Variants in SHISA9 observed in about 807,000 individuals in gnomAD.
SHISA9 encodes the protein shisa family member 9.
Under a neutral mutation model 38.0 loss-of-function variants are expected in SHISA9, and 13 were observed. That is an observed-to-expected ratio of 0.34 (90% CI 0.22 to 0.54). The LOEUF (loss-of-function observed/expected upper bound fraction) is 0.54. Ranked by LOEUF, SHISA9 falls within the 20% of genes least tolerant of loss-of-function variation. The probability of loss-of-function intolerance (pLI) is 0.91; values close to 1 mark genes in which losing one functional copy is unlikely to be tolerated. For missense variants in SHISA9, 538 were observed against 575.8 expected (o/e 0.93, Z 0.67); for synonymous variants, 275 against 242.0 (o/e 1.14, Z -1.27).
the SHISA9 span, among the ~76,000 whole-genome samples, chr16:13,377,897 G>A: frequency 6.6e-6 from 1 of 152,166 alleles, no homozygotes; most frequent in African/African-American, 2.4e-5. Flanking sequence ...GCCAGTCGTG[G>A]TGGCACGCAC....
At chr16:13,120,142 G>A (rs903498938) in intron 2 of SHISA9, among the ~76,000 whole-genome samples, 1 of 152,208 alleles carries the variant, frequency 6.6e-6, no homozygotes, top group Non-Finnish European at 1.5e-5. Context: ...AGCACTGGAA[G>A]TGGATTAAAA....
At chr16:13,124,533 C>T (rs2050240383) in intron 2 of SHISA9, among the ~76,000 whole-genome samples, 1 of 152,158 alleles carries the variant, frequency 6.6e-6, no homozygotes, top group Non-Finnish European at 1.5e-5. Flanking sequence ...ACACCTTGGA[C>T]TCTGTGTGCC....
intron 2 of SHISA9, among the ~76,000 whole-genome samples, chr16:13,174,733 T>C (rs2050716911): frequency 6.6e-6 from 1 of 152,066 alleles, no homozygotes; most frequent in East Asian, 1.9e-4. Context: ...GATGAAATGA[T>C]CTCTCTCTTG....
chr16:13,131,750 G>T (rs2050308406), intron 2 of SHISA9, among the ~76,000 whole-genome samples: 1 of 152,230 alleles, frequency 6.6e-6, no homozygotes, highest in Non-Finnish European at 1.5e-5. Flanking sequence ...TCCCAAAAAA[G>T]GAAAATCATG....
chr16:12,965,645 G>C (rs993861452), intron 2 of SHISA9, among the ~76,000 whole-genome samples: 1 of 152,208 alleles, frequency 6.6e-6, no homozygotes, highest in Admixed American at 6.5e-5. Context: ...ATATAGAATG[G>C]AGTGTGCAGG....
chr16:13,553,876 A>G, the SHISA9 span, among the ~76,000 whole-genome samples: 4 of 152,198 alleles, frequency 2.6e-5, no homozygotes, highest in Non-Finnish European at 5.9e-5. Flanking sequence ...GGGGAGGCCC[A>G]GAAACATCAG....
At chr16:12,916,555 C>G (rs1459066234) in intron 1 of SHISA9, 133 bp from the exon 2 acceptor site, 1 of 1,076,714 alleles carries the variant, frequency 9.3e-7, no homozygotes, top group East Asian at 2.8e-5. Context: ...TTTCTCTACT[C>G]CACCCCTAAC....
chr16:12,905,167 T>C (rs1871891187), intron 1 of SHISA9, among the ~76,000 whole-genome samples: 1 of 152,242 alleles, frequency 6.6e-6, no homozygotes, highest in Non-Finnish European at 1.5e-5. Flanking sequence ...CTCTCTCATT[T>C]AGTTCTCACA....
At chr16:13,092,985 A>T (rs117332505) in intron 2 of SHISA9, among the ~76,000 whole-genome samples, 3,885 of 152,306 alleles carry the variant, frequency 0.026, 77 homozygotes, top group South Asian at 0.06. Flanking sequence ...ACTTTTAAAC[A>T]TTATATGACC....
At chr16:13,373,844 G>A in the SHISA9 span, among the ~76,000 whole-genome samples, 3 of 151,878 alleles carry the variant, frequency 2.0e-5, no homozygotes, top group African/African-American at 7.3e-5. Flanking sequence ...TAATGTACAT[G>A]CAGTGTTTAG....
At chr16:13,116,700 T>C (rs981861723) in intron 2 of SHISA9, among the ~76,000 whole-genome samples, 3 of 152,182 alleles carry the variant, frequency 2.0e-5, no homozygotes, top group South Asian at 2.1e-4. Flanking sequence ...CAATTGCTAA[T>C]CTAGACTGAG....
At chr16:13,354,015 T>A in the SHISA9 span, among the ~76,000 whole-genome samples, 3 of 150,114 alleles carry the variant, frequency 2.0e-5, no homozygotes, top group Admixed American at 2.0e-4. Context: ...CCTCTACCTA[T>A]CCAGTGAAAG....
chr16:13,151,895 C>T (rs1039224992), intron 2 of SHISA9, among the ~76,000 whole-genome samples: 1 of 152,140 alleles, frequency 6.6e-6, no homozygotes, highest in Non-Finnish European at 1.5e-5. Flanking sequence ...TCCAGGGAGT[C>T]AGACTTTTTA....
At chr16:13,298,636 G>A in the SHISA9 span, among the ~76,000 whole-genome samples, 2,462 of 152,300 alleles carry the variant, frequency 0.016, 43 homozygotes, top group Middle Eastern at 0.085. Flanking sequence ...TAGGGCTTGA[G>A]CTTCTTCATC....
the SHISA9 span, among the ~76,000 whole-genome samples, chr16:13,505,578 C>T: frequency 6.6e-6 from 1 of 152,242 alleles, no homozygotes; most frequent in Non-Finnish European, 1.5e-5. Context: ...ACACCCACTG[C>T]TGAGATGTGG....
chr16:13,356,490 G>C, the SHISA9 span, among the ~76,000 whole-genome samples: 25 of 152,268 alleles, frequency 1.6e-4, no homozygotes, highest in African/African-American at 4.8e-4. Context: ...TGGGCAGGAG[G>C]GGGAGGGCTA....
chr16:13,024,085 C>T (rs539329917), intron 2 of SHISA9, among the ~76,000 whole-genome samples: 1 of 152,318 alleles, frequency 6.6e-6, no homozygotes, highest in South Asian at 2.1e-4. Flanking sequence ...TCCATTAATC[C>T]TCACTAACAC....
chr16:13,250,962 A>G, the SHISA9 span, among the ~76,000 whole-genome samples: 352 of 152,298 alleles, frequency 2.3e-3, 2 homozygotes, highest in Non-Finnish European at 4.2e-3. Flanking sequence ...ACTACTGTTG[A>G]GAATCAATTC....
intron 2 of SHISA9, among the ~76,000 whole-genome samples, chr16:12,926,911 T>G (rs1399838416): frequency 6.6e-6 from 1 of 152,144 alleles, no homozygotes; most frequent in Non-Finnish European, 1.5e-5. Context: ...ACAAATTGCA[T>G]ACAGGGAGAA....
Sources: gnomAD v4.1 joint callset for allele counts (sites outside exome capture counted in the v4.1 genomes callset) on GRCh38, gnomAD v4.1.1 for gene constraint, MANE v1.5 for transcripts, NCBI Gene and HGNC (gene_info 2026-07-23, HGNC 2026-07-21) for gene names.